BDH2: variants seen among roughly 807,000 people sequenced by gnomAD.
BDH2 encodes the protein dehydrogenase/reductase SDR family member 6.
BDH2 carries 24 observed loss-of-function variants against 33.2 expected under a neutral mutation model. The ratio of observed to expected loss-of-function variants is 0.72; its 90% CI spans 0.52 to 1.02. The LOEUF (loss-of-function observed/expected upper bound fraction) is 1.02, where lower values mean the gene tolerates loss of function less well. Ranked by LOEUF, BDH2 falls within the 50% of genes least tolerant of loss-of-function variation. The pLI is 0.00. For synonymous variants in BDH2, 81 were observed against 101.6 expected, an observed-to-expected ratio of 0.80 and a Z score of 1.22; for missense variants, 249 against 301.6, an observed-to-expected ratio of 0.83 and a Z score of 1.29.
Position 103,096,211 on chromosome 4 carries a change from G to T in BDH2, c.44C>A (p.Ala15Asp), listed in dbSNP as rs759925493. ...DGKVIILTAA[A>D]QGIGQAAALA... ...GGCAGCTGCTTGGCCAATCCCCTGA[G>T]CAGCGGCCGTCAGGATGATGACTTT... Residue 15 changes from alanine (A) to aspartate (D), a missense_variant, in exon 2 of 10, where the codon GCT becomes GAT. Transcript: ENST00000296424. 1 of 1,613,822 alleles carries T rather than the reference G, an allele frequency of 6.2e-7. No individual in the cohort carries two copies. The highest frequency in any genetic ancestry group is 1.1e-5 in the South Asian group (1 of 91,034).
At chr4:103,093,739 ATAAT>A (rs1263785367) in intron 3 of BDH2, among the ~76,000 whole-genome samples, 19 of 147,564 alleles carry the variant, frequency 1.3e-4, no homozygotes, top group Admixed American at 1.2e-3. Flanking sequence ...CATATAATAT[ATAAT>A]TATCTATAAT....
Position 103,086,843 on chromosome 4 carries a change from T to C in BDH2, c.358-303A>G, listed in dbSNP as rs539217398. On this transcript the variant is annotated intron_variant, in intron 5 of 9. Transcript: ENST00000296424. ...AATGCTGACTTAAATGAAATGTGAA[T>C]AAATGTTGTTATTGTGTGTTACTGA... Among the ~76,000 whole-genome samples the C allele has an allele frequency of 2.6e-5, 4 of 152,326 alleles. No individual in the cohort carries two copies. The South Asian group carries it at 8.3e-4, about 32-fold the overall frequency.
intron 4 of BDH2, 27 bp downstream of exon 4, chr4:103,092,573 A>G: frequency 6.7e-7 from 1 of 1,495,468 alleles, no homozygotes; most frequent in Non-Finnish European, 9.3e-7. Context: ...TCTGTAAGGA[A>G]AGTGAAACTA....
rs1748339432 is a variant in BDH2 at position 103,095,244 on chromosome 4, T to A, written c.110A>T (p.Asp37Val). ...TTCCTGAAGTTTGGACTCATTAATG[T>A]CTGTGGCTATGACTTTGGCACCTTC... is the stretch of plus-strand genomic sequence containing the variant. ...AREGAKVIAT[D>V]INESKLQELE... Residue 37 changes from aspartate (D) to valine (V), a missense_variant, in exon 3 of 10, where the codon GAC becomes GTC. Asp to Val is a radical substitution (Grantham distance 152). Transcript: ENST00000296424. 2 of 1,613,932 alleles carry A rather than the reference T, an allele frequency of 1.2e-6. No individual in the cohort carries two copies. The highest frequency in any genetic ancestry group is 1.7e-6 in the Non-Finnish European group (2 of 1,179,866).
chr4:103,090,351 G>A (rs901855865), intron 5 of BDH2, among the ~76,000 whole-genome samples: 5 of 152,190 alleles, frequency 3.3e-5, no homozygotes, highest in East Asian at 1.9e-4. Context: ...ACATTGATGC[G>A]TTGTGTGAAG....
rs754022782 is a variant in BDH2 at position 103,086,465 on chromosome 4, A to C, written c.418+15T>G. On this transcript the variant is annotated intron_variant, in intron 6 of 9. Coordinates refer to ENST00000296424, the MANE Select transcript of BDH2 (RefSeq NM_020139.4). ...GTGTATGAGCATCGCAGTCCTCGGA[A>C]GGAGACAGACCCACCTTTGACGCTG... 13 of 1,611,832 alleles carry C rather than the reference A, an allele frequency of 8.1e-6. No individual in the cohort carries two copies. Among genetic ancestry groups the C allele is most frequent in the Non-Finnish European group, 1.1e-5 (13 of 1,179,286 alleles).
intron 7 of BDH2, among the ~76,000 whole-genome samples, chr4:103,083,623 C>G (rs1385724865): frequency 6.6e-6 from 1 of 152,098 alleles, no homozygotes; most frequent in African/African-American, 2.4e-5. Flanking sequence ...GCACGTTACC[C>G]AGACTTTTTT....
chr4:103,087,620 T>C (rs998034575), intron 5 of BDH2, among the ~76,000 whole-genome samples: 12 of 152,184 alleles, frequency 7.9e-5, no homozygotes, highest in African/African-American at 2.9e-4. Flanking sequence ...CTTTGGCTGT[T>C]TTGTCCTCCT....
rs543937978 is a variant in BDH2 at position 103,086,568 on chromosome 4, A to G, written c.358-28T>C. The G allele has an allele frequency of 1.8e-5, 29 of 1,573,598 alleles. No individual in the cohort carries two copies. The South Asian group carries it at 2.8e-4, about 15-fold the overall frequency. On this transcript the variant is annotated intron_variant, in intron 5 of 9. Transcript: ENST00000296424. ...GCCAAAACAAAACAAATACAAAAAAAAAAAAATCCACTTTGTGGGCTAAAA... is the reference window on the plus strand; with the variant it reads ...GCCAAAACAAAACAAATACAAAAAAGAAAAAATCCACTTTGTGGGCTAAAA...
At position 103,091,812 on chromosome 4, in the gene BDH2, A is replaced by G. The variant is rs866258553; in HGVS notation, c.249-527T>C. ...CCTATGTGATTCCTATTTCAAGAGC[A>G]ACAGTGCCCTCAGGTGGCACAGATT... On this transcript the variant is annotated intron_variant, in intron 4 of 9. Coordinates refer to ENST00000296424, the MANE Select transcript of BDH2 (RefSeq NM_020139.4). 6 of 451,910 alleles carry G rather than the reference A, an allele frequency of 1.3e-5. No homozygotes were observed. In the Middle Eastern group the frequency reaches 1.3e-3, roughly 99 times the overall value. The allele number at this position is 451,910 out of a possible 1,614,324, so 28.0% of individuals were successfully genotyped here.
intron 7 of BDH2, among the ~76,000 whole-genome samples, chr4:103,084,149 C>G (rs1017353878): frequency 1.3e-5 from 2 of 152,224 alleles, no homozygotes; most frequent in Non-Finnish European, 1.5e-5. Flanking sequence ...CAACAGTGTG[C>G]ACCTCAAGCT....
intron 1 of BDH2, among the ~76,000 whole-genome samples, chr4:103,097,097 G>GA (rs145847869): frequency 9.6e-5 from 14 of 145,238 alleles, no homozygotes; most frequent in East Asian, 2.0e-4. Flanking sequence ...GATATTCATC[G>GA]AAAAAAAAAA....
At chr4:103,094,004 A>G (rs143043706) in intron 3 of BDH2, among the ~76,000 whole-genome samples, 100 of 152,124 alleles carry the variant, frequency 6.6e-4, no homozygotes, top group African/African-American at 2.2e-3. Context: ...AACCTGTTCT[A>G]TTTTGCTGTA....
chr4:103,095,176 C>T (rs368308105), intron 3 of BDH2, 27 bp downstream of exon 3: 71 of 1,597,526 alleles, frequency 4.4e-5, no homozygotes, highest in Middle Eastern at 1.7e-4. Flanking sequence ...ACACTGAATC[C>T]CAAATTCAAG....
At chr4:103,082,600 G>A (rs1388800899) in intron 8 of BDH2, among the ~76,000 whole-genome samples, 1 of 151,890 alleles carries the variant, frequency 6.6e-6, no homozygotes, top group African/African-American at 2.4e-5. Context: ...TGTTGCCCAG[G>A]CTGGAGTGCA....
At chr4:103,089,587 C>T (rs971907634) in intron 5 of BDH2, among the ~76,000 whole-genome samples, 1 of 152,178 alleles carries the variant, frequency 6.6e-6, no homozygotes, top group African/African-American at 2.4e-5. Flanking sequence ...CACAAGTTTA[C>T]ATTTCAGCTC....
chr4:103,097,120 C>T (rs1293704504), intron 1 of BDH2, among the ~76,000 whole-genome samples: 1 of 151,768 alleles, frequency 6.6e-6, no homozygotes, highest in Admixed American at 6.6e-5. Flanking sequence ...ATGGAAAAAT[C>T]AAATCACATC....
chr4:103,090,999 A>T lies in BDH2; in HGVS notation c.357+178T>A, dbSNP rs1302848512. 2.0e-5 allele frequency among the ~76,000 whole-genome samples: 3 copies of T among 152,178 alleles called. No individual in the cohort carries two copies. In the East Asian group the frequency reaches 5.8e-4, roughly 29 times the overall value. On this transcript the variant is annotated intron_variant, in intron 5 of 9. Coordinates refer to ENST00000296424, the MANE Select transcript of BDH2 (RefSeq NM_020139.4). ...TGCTTAATAAATATTCCTTGAGTGG[A>T]TGAGCTGGAAGGTTAAATAGATTAA... is the stretch of plus-strand genomic sequence containing the variant.
intron 1 of BDH2, among the ~76,000 whole-genome samples, chr4:103,097,434 G>A (rs1424109313): frequency 2.6e-5 from 4 of 152,118 alleles, no homozygotes; most frequent in Admixed American, 1.3e-4. Context: ...TGAGGCTGGG[G>A]GTGGAGAAGA....
Sources: gnomAD v4.1 joint callset for allele counts (sites outside exome capture counted in the v4.1 genomes callset) on GRCh38, gnomAD v4.1.1 for gene constraint, MANE v1.5 for transcripts, NCBI Gene and HGNC (gene_info 2026-07-23, HGNC 2026-07-21) for gene names.